Variants in PAX7 observed in about 807,000 individuals in gnomAD.
PAX7 encodes paired box 7.
In PAX7, 18 loss-of-function variants were observed where a neutral mutation model predicts 50.7. That is an observed-to-expected ratio of 0.36 (90% CI 0.25 to 0.53). The LOEUF is 0.53. PAX7 is among the 20% of genes least tolerant of loss of function. PAX7 has a pLI of 0.93. For synonymous variants in PAX7, 310 were observed against 290.4 expected, an observed-to-expected ratio of 1.07 and a Z score of -0.69; for missense variants, 644 against 702.9, an observed-to-expected ratio of 0.92 and a Z score of 0.95.
intron 4 of PAX7, among the ~76,000 whole-genome samples, chr1:18,645,248 C>G (rs1368343106): frequency 6.6e-6 from 1 of 152,204 alleles, no homozygotes; most frequent in Non-Finnish European, 1.5e-5. Context: ...CGTCGGCGGG[C>G]TGGGCCTTGC....
intron 7 of PAX7, among the ~76,000 whole-genome samples, chr1:18,730,231 A>G (rs1378296234): frequency 2.0e-5 from 3 of 152,210 alleles, no homozygotes; most frequent in African/African-American, 7.2e-5. Context: ...AAACCGAGGC[A>G]CAGAAGGTTA....
chr1:18,735,533 G>C lies in PAX7; in HGVS notation c.1156-99G>C. 6.5e-7 allele frequency: 1 copy of C among 1,527,162 alleles called. No homozygotes were observed. Among genetic ancestry groups the C allele is most frequent in the Non-Finnish European group, 8.8e-7 (1 of 1,133,954 alleles). The allele number at this position is 1,527,162 out of a possible 1,614,324, so 94.6% of individuals were successfully genotyped here. A position where few individuals can be genotyped will look rare whatever the true frequency, so the allele number is the denominator to read the frequency against. On this transcript the variant is annotated intron_variant, in intron 7 of 8. Coordinates refer to ENST00000420770, the MANE Select transcript of PAX7 (RefSeq NM_001135254.2). The surrounding 1 kb of genome is among the most constrained non-coding windows in gnomAD (Gnocchi z 4.0). The stretch of plus-strand genomic sequence containing the variant: ...CAGAGACTTCAAGGGAACAACTCTG[G>C]CAAAGAGTGTTCCAGGGCCAGCCTG...
chr1:18,676,947 G>A lies in PAX7; in HGVS notation c.587-14807G>A, dbSNP rs140138836. 3.4e-3 allele frequency among the ~76,000 whole-genome samples: 511 copies of A among 152,270 alleles called. 3 individuals carry two copies. Among genetic ancestry groups the A allele is most frequent in the African/African-American group, 0.012 (492 of 41,560 alleles). ...TAGGGAAAATGCAGCTCAGAGAGGG[G>A]TTTAGAGGTGAAGTCAGGGACAAAC... On this transcript the variant is annotated intron_variant, in intron 4 of 8. Coordinates refer to ENST00000420770, the MANE Select transcript of PAX7 (RefSeq NM_001135254.2).
At chr1:18,653,753 C>T (rs74729735) in intron 4 of PAX7, among the ~76,000 whole-genome samples, 3,239 of 152,006 alleles carry the variant, frequency 0.021, 109 homozygotes, top group African/African-American at 0.069. Context: ...AAGTCATCTG[C>T]TTGAAGTCAT....
chr1:18,631,499 A>G lies in PAX7; in HGVS notation c.-105A>G, dbSNP rs2100409966. Reference sequence around the variant, plus strand: ...GAGGGGAGGGAGAAGAGGTTAAAAAAAAGAAGACGAAGAAGACGGAAAGAA... The same window carrying G: ...GAGGGGAGGGAGAAGAGGTTAAAAAGAAGAAGACGAAGAAGACGGAAAGAA... On this transcript the variant is annotated 5_prime_UTR_variant, in exon 1 of 9. Transcript: ENST00000420770. The G allele has an allele frequency of 2.0e-6, 2 of 985,046 alleles. No individual in the cohort carries two copies. Among genetic ancestry groups the G allele is most frequent in the Non-Finnish European group, 3.1e-6 (2 of 636,096 alleles). 61.0% of individuals were successfully genotyped at this position (985,046 alleles called of 1,614,324 possible).
intron 5 of PAX7, among the ~76,000 whole-genome samples, chr1:18,697,703 C>A (rs1016390222): frequency 1.3e-5 from 2 of 152,106 alleles, no homozygotes; most frequent in Admixed American, 6.6e-5. Context: ...GAAGAGATGA[C>A]AGAATTGGCA....
At chr1:18,727,991 C>G (rs568394826) in intron 7 of PAX7, among the ~76,000 whole-genome samples, 163 of 152,046 alleles carry the variant, frequency 1.1e-3, no homozygotes, top group Non-Finnish European at 2.0e-3. Context: ...GGTCCAGATC[C>G]TCTTAGTGGA....
At chr1:18,670,647 A>G (rs1570149101) in intron 4 of PAX7, among the ~76,000 whole-genome samples, 1 of 152,232 alleles carries the variant, frequency 6.6e-6, no homozygotes, top group East Asian at 1.9e-4. Flanking sequence ...CCGTCAGTCT[A>G]TCTGTCCATC....
chr1:18,713,320 C>T (rs2089378737), intron 7 of PAX7, among the ~76,000 whole-genome samples: 1 of 152,144 alleles, frequency 6.6e-6, no homozygotes, highest in Non-Finnish European at 1.5e-5. Flanking sequence ...GGACCACAGG[C>T]AGCATGGCAG....
chr1:18,744,659 C>CGGACGGATGGATGGATGGAT (rs1553145033), intron 8 of PAX7, among the ~76,000 whole-genome samples, 155 bp from the exon 9 acceptor site: 2 of 90,910 alleles, frequency 2.2e-5, no homozygotes, highest in African/African-American at 8.8e-5. Context: ...GTAGACAGGA[C>CGGACGGATGGATGGATGGAT]GGATGGATGG....
chr1:18,694,039 A>G (rs1032148266), intron 5 of PAX7, among the ~76,000 whole-genome samples: 2 of 152,172 alleles, frequency 1.3e-5, no homozygotes, highest in Admixed American at 6.5e-5. Context: ...TCCCCAGTGC[A>G]TGGAGCTCCC....
intron 4 of PAX7, among the ~76,000 whole-genome samples, chr1:18,645,644 T>C (rs2088326987): frequency 6.6e-6 from 1 of 152,180 alleles, no homozygotes; most frequent in Non-Finnish European, 1.5e-5. Context: ...TTCAGAAGTT[T>C]TGTGAGGCGT....
chr1:18,736,334 G>A (rs535596831), intron 8 of PAX7, among the ~76,000 whole-genome samples: 7 of 151,816 alleles, frequency 4.6e-5, no homozygotes, highest in Admixed American at 1.3e-4. Flanking sequence ...GCATGGTGGC[G>A]CACACCTGTA....
At chr1:18,641,620 G>A (rs959652314) in intron 4 of PAX7, among the ~76,000 whole-genome samples, 3 of 152,344 alleles carry the variant, frequency 2.0e-5, no homozygotes, top group African/African-American at 7.2e-5. Flanking sequence ...TGTGCACGGC[G>A]CAGCGGTTAA....
At chr1:18,654,660 T>C (rs2088485800) in intron 4 of PAX7, among the ~76,000 whole-genome samples, 1 of 152,132 alleles carries the variant, frequency 6.6e-6, no homozygotes, top group African/African-American at 2.4e-5. Context: ...CCGTAATAAT[T>C]AGAGATGAAC....
chr1:18,723,465 T>C (rs1043944115), intron 7 of PAX7, among the ~76,000 whole-genome samples: 3 of 152,152 alleles, frequency 2.0e-5, no homozygotes, highest in African/African-American at 7.2e-5. Context: ...TCGAAGATGA[T>C]TGGGATGTCT....
At chr1:18,713,149 A>G (rs189968222) in intron 7 of PAX7, among the ~76,000 whole-genome samples, 2 of 151,998 alleles carry the variant, frequency 1.3e-5, no homozygotes, top group African/African-American at 4.8e-5. Context: ...TTCCATCCAA[A>G]CTCCACACCT....
chr1:18,688,683 C>T (rs2089012645), intron 4 of PAX7, among the ~76,000 whole-genome samples: 1 of 152,130 alleles, frequency 6.6e-6, no homozygotes, highest in African/African-American at 2.4e-5. Flanking sequence ...GGCGGATCAC[C>T]TGAGGTCAGG....
intron 7 of PAX7, among the ~76,000 whole-genome samples, chr1:18,712,986 G>A (rs193069760): frequency 6.6e-6 from 1 of 152,178 alleles, no homozygotes; most frequent in Non-Finnish European, 1.5e-5. Flanking sequence ...GGAGGCTGAG[G>A]GGGGAGGATC....
Sources: allele counts gnomAD v4.1 joint callset (sites outside exome capture counted in the v4.1 genomes callset), GRCh38; gene constraint gnomAD v4.1.1; non-coding constraint Gnocchi (gnomAD v3.1); transcripts MANE v1.5; gene names NCBI Gene and HGNC (gene_info 2026-07-23, HGNC 2026-07-21).